The following CNTN4 variants were observed in gnomAD, a reference collection of about 807,000 sequenced individuals.
The protein encoded by CNTN4 is contactin-4.
CNTN4 carries 77 observed loss-of-function variants against 122.5 expected under a neutral mutation model. The observed-to-expected ratio is 0.63, with a 90% CI of 0.52 to 0.76. The LOEUF is 0.76. CNTN4 is among the 30% of genes least tolerant of loss of function. The pLI is 0.00. For synonymous variants in CNTN4, 512 were observed against 447.0 expected (o/e 1.15, Z -1.83); for missense variants, 1,256 against 1,259.1 (o/e 1.00, Z 0.04).
intron 4 of CNTN4, among the ~76,000 whole-genome samples, chr3:2,668,864 G>A (rs775150383): frequency 5.3e-5 from 8 of 152,022 alleles, no homozygotes; most frequent in Admixed American, 2.6e-4. Flanking sequence ...GGTTTTTGTC[G>A]TTGGTTCTGT....
intron 14 of CNTN4, among the ~76,000 whole-genome samples, chr3:2,996,620 C>A (rs1300143270): frequency 1.3e-5 from 2 of 152,146 alleles, no homozygotes; most frequent in Non-Finnish European, 2.9e-5. Context: ...TAATTAATTT[C>A]TTTTCCAGCA....
At chr3:2,349,825 G>A (rs1281589805) in intron 3 of CNTN4, among the ~76,000 whole-genome samples, 2 of 152,118 alleles carry the variant, frequency 1.3e-5, no homozygotes, top group African/African-American at 4.8e-5. Flanking sequence ...TGAGAATGTT[G>A]AAACAACCCG....
chr3:2,925,869 T>C (rs1370268071), intron 13 of CNTN4, 90 bp downstream of exon 13: 14 of 1,102,734 alleles, frequency 1.3e-5, no homozygotes, highest in Non-Finnish European at 1.8e-5. Flanking sequence ...GTGGGGTGAC[T>C]ATCTGCTGTT....
intron 2 of CNTN4, among the ~76,000 whole-genome samples, chr3:2,101,442 C>T (rs547364781): frequency 1.3e-5 from 2 of 152,314 alleles, no homozygotes; most frequent in African/African-American, 4.8e-5. Flanking sequence ...GCATTAGCTT[C>T]AATCTCTCTT....
intron 5 of CNTN4, among the ~76,000 whole-genome samples, chr3:2,738,367 T>C (rs1308517078): frequency 6.6e-6 from 1 of 152,192 alleles, no homozygotes; most frequent in African/African-American, 2.4e-5. Flanking sequence ...AACTGTCAAA[T>C]GTATGGATAG....
At chr3:2,122,186 G>T (rs1469418377) in intron 2 of CNTN4, among the ~76,000 whole-genome samples, 1 of 152,104 alleles carries the variant, frequency 6.6e-6, no homozygotes, top group Non-Finnish European at 1.5e-5. Context: ...TTCTTTAAAG[G>T]TTATTTGTCT....
intron 3 of CNTN4, among the ~76,000 whole-genome samples, chr3:2,373,194 C>G (rs942454152): frequency 6.6e-6 from 1 of 152,202 alleles, no homozygotes; most frequent in Admixed American, 6.5e-5. Context: ...ATTACAGATT[C>G]AGTGATGACT....
At chr3:2,102,449 A>G (rs971964844) in intron 2 of CNTN4, among the ~76,000 whole-genome samples, 3 of 152,234 alleles carry the variant, frequency 2.0e-5, no homozygotes, top group Non-Finnish European at 4.4e-5. Context: ...TGGCTCTTTT[A>G]GATTGGCTCT....
chr3:2,952,168 C>G (rs1178176977), intron 13 of CNTN4, among the ~76,000 whole-genome samples: 1 of 152,200 alleles, frequency 6.6e-6, no homozygotes, highest in Non-Finnish European at 1.5e-5. Context: ...ATAAGATCTA[C>G]CTTCTCCCAA....
rs577358521 is a variant in CNTN4 at position 2,883,200 on chromosome 3, G to T, written c.708G>T (p.Pro236=). ...KIEVQFPETV[P]TAKGATVKLE... ...AAGTGCAGTTCCCAGAAACAGTTCC[G>T]ACTGCAAAAGGAGCAACGGTGAAGC... Residue 236 remains proline, a synonymous_variant, in exon 9 of 25, where the codon CCG becomes CCT. Transcript: ENST00000418658. 1.9e-6 allele frequency: 3 copies of T among 1,613,822 alleles called. No individual in the cohort carries two copies. Among genetic ancestry groups the T allele is most frequent in the Admixed American group, 1.7e-5 (1 of 60,006 alleles).
At chr3:2,332,756 T>A (rs543487351) in intron 2 of CNTN4, among the ~76,000 whole-genome samples, 5 of 149,736 alleles carry the variant, frequency 3.3e-5, no homozygotes, top group South Asian at 2.2e-4. Context: ...GAGGGATAGC[T>A]TTAGGAGATA....
chr3:2,375,504 C>A (rs80173947), intron 3 of CNTN4, among the ~76,000 whole-genome samples: 1 of 152,082 alleles, frequency 6.6e-6, no homozygotes, highest in African/African-American at 2.4e-5. Context: ...CAGAAAAGGC[C>A]GCCTGGGTGC....
chr3:2,206,394 C>G (rs2038344415), intron 2 of CNTN4, among the ~76,000 whole-genome samples: 2 of 152,036 alleles, frequency 1.3e-5, no homozygotes, highest in African/African-American at 2.4e-5. Flanking sequence ...AAAACTACAT[C>G]AAGCAAATTT....
intron 14 of CNTN4, among the ~76,000 whole-genome samples, chr3:3,011,484 C>T (rs540062940): frequency 2.0e-5 from 3 of 152,272 alleles, no homozygotes; most frequent in Admixed American, 2.0e-4. Context: ...GACTTGATGT[C>T]ATTCTAGGGA....
intron 7 of CNTN4, among the ~76,000 whole-genome samples, chr3:2,837,188 C>G (rs551731012): frequency 4.6e-5 from 7 of 152,124 alleles, no homozygotes; most frequent in Admixed American, 1.3e-4. Context: ...TGTTAATTAC[C>G]TCTTTTTCCA....
chr3:2,319,090 T>G (rs1246068301), intron 2 of CNTN4, among the ~76,000 whole-genome samples: 1 of 152,166 alleles, frequency 6.6e-6, no homozygotes. Context: ...ATTTTGCAAT[T>G]TTATTATACC....
At chr3:2,396,781 TATTA>T (rs1348930432) in intron 3 of CNTN4, among the ~76,000 whole-genome samples, 1 of 151,994 alleles carries the variant, frequency 6.6e-6, no homozygotes, top group African/African-American at 2.4e-5. Context: ...TTCCATGAAT[TATTA>T]ATTATTAGAC....
intron 2 of CNTN4, among the ~76,000 whole-genome samples, chr3:2,255,954 G>A (rs1472735504): frequency 1.3e-5 from 2 of 152,044 alleles, no homozygotes; most frequent in Non-Finnish European, 2.9e-5. Context: ...CAGAACTGAA[G>A]GAGATAGAGA....
chr3:2,883,596 CTA>C (rs773792071), intron 9 of CNTN4, among the ~76,000 whole-genome samples: 8 of 152,306 alleles, frequency 5.3e-5, no homozygotes, highest in Admixed American at 3.3e-4. Flanking sequence ...GTTAAGCTGA[CTA>C]TGTGGAAAAA....
Sources: allele counts gnomAD v4.1 joint callset (sites outside exome capture counted in the v4.1 genomes callset), GRCh38; gene constraint gnomAD v4.1.1; transcripts MANE v1.5; gene names NCBI Gene and HGNC (gene_info 2026-07-23, HGNC 2026-07-21).